RBFOX1: variants seen among roughly 807,000 people sequenced by gnomAD.
RBFOX1 encodes the protein RNA binding fox-1 homolog 1, also known as RNA binding protein fox-1 homolog 1.
In RBFOX1, 8 loss-of-function variants were observed where a neutral mutation model predicts 57.7. That is an observed-to-expected ratio of 0.14 (90% confidence interval 0.08 to 0.25). RBFOX1 has a LOEUF of 0.25. RBFOX1 is among the 10% of genes least tolerant of loss of function. The pLI, the probability that RBFOX1 is intolerant of heterozygous loss-of-function variation, is 1.00. For missense variants in RBFOX1, 611 were observed against 548.5 expected (o/e 1.11, Z -1.14); for synonymous variants, 326 against 222.4 (o/e 1.47, Z -4.15).
At chr16:6,498,844 G>A (rs2095843820) in intron 2 of RBFOX1, among the ~76,000 whole-genome samples, 1 of 152,090 alleles carries the variant, frequency 6.6e-6, no homozygotes. Context: ...AGATATGCAT[G>A]GTAAAAGCCA....
intron 1 of RBFOX1, chr16:5,270,314 T>C (rs1596350672): frequency 5.7e-6 from 4 of 701,512 alleles, no homozygotes; most frequent in African/African-American, 5.3e-5. Context: ...TTGGAAAGAC[T>C]TGGTCACCAG....
intron 4 of RBFOX1, among the ~76,000 whole-genome samples, chr16:7,339,929 A>G (rs887294371): frequency 3.9e-5 from 6 of 152,190 alleles, no homozygotes; most frequent in African/African-American, 1.2e-4. Context: ...ACTCACAAGC[A>G]CACCATGTCC....
At chr16:7,467,663 T>C (rs1294261563) in intron 4 of RBFOX1, among the ~76,000 whole-genome samples, 1 of 152,196 alleles carries the variant, frequency 6.6e-6, no homozygotes, top group East Asian at 1.9e-4. Context: ...GTCTGAGGAT[T>C]AAATAAGATT....
chr16:5,761,131 T>A (rs976016564), intron 3 of RBFOX1, among the ~76,000 whole-genome samples: 1 of 152,118 alleles, frequency 6.6e-6, no homozygotes, highest in East Asian at 1.9e-4. Context: ...GAAGGGGTAG[T>A]GTTTCAAGCA....
intron 3 of RBFOX1, among the ~76,000 whole-genome samples, chr16:6,868,073 G>C (rs1033968595): frequency 1.3e-5 from 2 of 152,158 alleles, no homozygotes; most frequent in Non-Finnish European, 2.9e-5. Context: ...TGCCGTATGG[G>C]TGTTGAGAAA....
chr16:6,792,534 G>T (rs1422098776), intron 3 of RBFOX1, among the ~76,000 whole-genome samples: 1 of 152,114 alleles, frequency 6.6e-6, no homozygotes, highest in Admixed American at 6.5e-5. Flanking sequence ...TCATATAAAG[G>T]TTAAAAATTG....
At chr16:7,037,776 G>C (rs542672042) in intron 3 of RBFOX1, among the ~76,000 whole-genome samples, 1 of 152,240 alleles carries the variant, frequency 6.6e-6, no homozygotes, top group Non-Finnish European at 1.5e-5. Context: ...TTGAACCTTG[G>C]AAGTCTGGCT....
At chr16:6,067,406 A>G (rs2095781148) in intron 1 of RBFOX1, among the ~76,000 whole-genome samples, 1 of 152,170 alleles carries the variant, frequency 6.6e-6, no homozygotes, top group South Asian at 2.1e-4. Context: ...CAAACAAACA[A>G]ACACCCTGAA....
At chr16:7,688,221 ATGTGTGTGTGTGTGTGTGTGTGTGTG>A (rs3029191) in intron 14 of RBFOX1, among the ~76,000 whole-genome samples, 34 of 121,012 alleles carry the variant, frequency 2.8e-4, no homozygotes, top group Admixed American at 2.2e-3. Context: ...GCAGGTTTAA[ATGTGTGTGTGTGTGTGTGTGTGTGTG>A]TGTGTGTGTG....
chr16:6,006,972 C>G (rs980399265), intron 4 of RBFOX1, among the ~76,000 whole-genome samples: 3 of 152,120 alleles, frequency 2.0e-5, no homozygotes, highest in Non-Finnish European at 4.4e-5. Flanking sequence ...CTCACTGGAA[C>G]CAAGCTTTCT....
intron 10 of RBFOX1, among the ~76,000 whole-genome samples, chr16:7,610,051 C>G (rs2057132343): frequency 6.7e-6 from 1 of 150,026 alleles, no homozygotes; most frequent in Non-Finnish European, 1.5e-5. Context: ...CTCCTGACCT[C>G]ATGATCCGCC....
intron 1 of RBFOX1, among the ~76,000 whole-genome samples, chr16:5,463,443 A>G (rs1002948686): frequency 2.0e-5 from 3 of 152,182 alleles, no homozygotes; most frequent in African/African-American, 4.8e-5. Context: ...AAAAAATAAA[A>G]TGAAAATAAT....
chr16:6,884,059 T>TG (rs762793164), intron 3 of RBFOX1, among the ~76,000 whole-genome samples: 26 of 152,192 alleles, frequency 1.7e-4, no homozygotes, highest in African/African-American at 6.0e-4. Flanking sequence ...AAGCATCCAC[T>TG]GCAGAGCGGT....
intron 3 of RBFOX1, among the ~76,000 whole-genome samples, chr16:5,646,988 C>A (rs1019514103): frequency 3.3e-5 from 5 of 152,058 alleles, no homozygotes; most frequent in African/African-American, 1.2e-4. Flanking sequence ...GCGCAGCCGG[C>A]GGCTGCGATG....
At chr16:7,654,959 C>T (rs1001737649) in intron 12 of RBFOX1, among the ~76,000 whole-genome samples, 31 of 152,254 alleles carry the variant, frequency 2.0e-4, no homozygotes, top group African/African-American at 3.8e-4. Flanking sequence ...TTAAATTCAG[C>T]GATCCCCAGA....
chr16:7,431,678 A>T (rs545872166), intron 4 of RBFOX1, among the ~76,000 whole-genome samples: 2 of 152,352 alleles, frequency 1.3e-5, no homozygotes, highest in Admixed American at 1.3e-4. Flanking sequence ...AAGGAACCCC[A>T]TATCCATTAA....
At chr16:6,609,215 C>T (rs1341109319) in intron 2 of RBFOX1, among the ~76,000 whole-genome samples, 1 of 152,172 alleles carries the variant, frequency 6.6e-6, no homozygotes, top group African/African-American at 2.4e-5. Flanking sequence ...CCTTCCACAG[C>T]CACTTTATAG....
intron 11 of RBFOX1, among the ~76,000 whole-genome samples, chr16:7,647,292 T>G (rs573619407): frequency 6.6e-6 from 1 of 152,310 alleles, no homozygotes; most frequent in African/African-American, 2.4e-5. Flanking sequence ...CTCTTGCCTG[T>G]TTTGAGAGAA....
chr16:5,711,029 A>G (rs940687822), intron 3 of RBFOX1, among the ~76,000 whole-genome samples: 1 of 152,242 alleles, frequency 6.6e-6, no homozygotes, highest in Admixed American at 6.5e-5. Context: ...ACAAGGAGAC[A>G]TGCCTCTGGA....
Sources: gnomAD v4.1 joint callset for allele counts (sites outside exome capture counted in the v4.1 genomes callset) on GRCh38, gnomAD v4.1.1 for gene constraint, MANE v1.5 for transcripts, NCBI Gene and HGNC (gene_info 2026-07-23, HGNC 2026-07-21) for gene names.